Variants in FGF12 observed in about 807,000 individuals in gnomAD.
FGF12 encodes fibroblast growth factor 12.
In FGF12, 14 loss-of-function variants were observed where a neutral mutation model predicts 23.6. The ratio of observed to expected loss-of-function variants is 0.59; its 90% CI spans 0.39 to 0.93. The LOEUF (loss-of-function observed/expected upper bound fraction) is 0.93. Among genes scored for constraint, FGF12 ranks in the 40% least tolerant of loss-of-function variants. FGF12 has a pLI of 0.00. For missense variants in FGF12, 175 were observed against 217.8 expected (o/e 0.80, Z 1.24); for synonymous variants, 62 against 77.3 (o/e 0.80, Z 1.04).
intron 2 of FGF12, among the ~76,000 whole-genome samples, chr3:192,654,897 A>G (rs1006705482): frequency 1.1e-4 from 16 of 148,096 alleles, no homozygotes; most frequent in African/African-American, 4.1e-4. Flanking sequence ...GATCAGTGTG[A>G]AAAAAAAAAT....
intron 4 of FGF12, among the ~76,000 whole-genome samples, chr3:192,200,507 G>A (rs1301175513): frequency 6.6e-6 from 1 of 152,052 alleles, no homozygotes; most frequent in African/African-American, 2.4e-5. Flanking sequence ...CATTAAGAAA[G>A]AAACTTTCAC....
chr3:192,528,612 C>T (rs1725011660), intron 2 of FGF12, among the ~76,000 whole-genome samples: 1 of 152,216 alleles, frequency 6.6e-6, no homozygotes, highest in Non-Finnish European at 1.5e-5. Flanking sequence ...CCCACATTTC[C>T]CTTCCACACT....
chr3:192,209,133 T>C (rs1456603210), intron 4 of FGF12, among the ~76,000 whole-genome samples: 1 of 152,212 alleles, frequency 6.6e-6, no homozygotes, highest in East Asian at 1.9e-4. Flanking sequence ...AATGAATATA[T>C]ATTATGGGAC....
At chr3:192,368,666 GT>G (rs946346874) in intron 2 of FGF12, among the ~76,000 whole-genome samples, 34 of 149,668 alleles carry the variant, frequency 2.3e-4, no homozygotes, top group Middle Eastern at 6.8e-3. Context: ...TGTTAATAAA[GT>G]TTTTTTTTTC....
intron 2 of FGF12, among the ~76,000 whole-genome samples, chr3:192,414,604 G>T (rs1321726415): frequency 6.6e-6 from 1 of 152,100 alleles, no homozygotes; most frequent in Non-Finnish European, 1.5e-5. Context: ...AAGCTAAAGG[G>T]AAAATAATAA....
Position 192,176,925 on chromosome 3 carries a change from C to T in FGF12, c.229-6269G>A, listed in dbSNP as rs181249567. Reference sequence around the variant, plus strand: ...CCCCTTCTTATTTTCTATTCCACACCGTTATATTATACAACGCCCATGCTT... The same window carrying T: ...CCCCTTCTTATTTTCTATTCCACACTGTTATATTATACAACGCCCATGCTT... On this transcript the variant is annotated intron_variant, in intron 4 of 5. Transcript: ENST00000445105. Among the ~76,000 whole-genome samples, 188 of 152,218 alleles carry T rather than the reference C, an allele frequency of 1.2e-3. 2 individuals are homozygous for T. The highest frequency in any genetic ancestry group is 2.1e-3 in the Non-Finnish European group (140 of 68,004).
chr3:192,577,211 T>A lies in FGF12; in HGVS notation c.13+149970A>T, dbSNP rs572625689. 3.1e-4 allele frequency among the ~76,000 whole-genome samples: 47 copies of A among 152,220 alleles called. 1 individual carries two copies. Among genetic ancestry groups the A allele is most frequent in the African/African-American group, 1.0e-3 (43 of 41,556 alleles). ...CCAGAACTTAAAGTGTAATAAAAAA[T>A]AAATAAATAAATAATACTAATGGTA... On this transcript the variant is annotated intron_variant, in intron 2 of 5. Transcript: ENST00000445105.
chr3:192,258,956 C>T (rs1382969117), intron 4 of FGF12, among the ~76,000 whole-genome samples: 1 of 152,076 alleles, frequency 6.6e-6, no homozygotes, highest in Non-Finnish European at 1.5e-5. Context: ...ATATTTATCC[C>T]CCTTATCTGC....
chr3:192,366,661 T>C (rs1359276683), intron 2 of FGF12, among the ~76,000 whole-genome samples: 3 of 152,136 alleles, frequency 2.0e-5, no homozygotes, highest in Non-Finnish European at 4.4e-5. Flanking sequence ...AAAAGAGTAC[T>C]GGCAAAACAG....
intron 4 of FGF12, among the ~76,000 whole-genome samples, chr3:192,270,934 T>C (rs1713397919): frequency 6.6e-6 from 1 of 152,154 alleles, no homozygotes; most frequent in Non-Finnish European, 1.5e-5. Context: ...TCAAATTCCA[T>C]TTAAATTGAT....
At chr3:192,365,976 TAA>T (rs5855421) in intron 2 of FGF12, among the ~76,000 whole-genome samples, 87,154 of 130,702 alleles carry the variant, frequency 0.67, 28,523 homozygotes, top group East Asian at 0.91. Context: ...GCTTCAAAGG[TAA>T]AAAAAAAAAA....
At chr3:192,478,595 T>C (rs1723394189) in intron 2 of FGF12, among the ~76,000 whole-genome samples, 1 of 152,208 alleles carries the variant, frequency 6.6e-6, no homozygotes, top group Non-Finnish European at 1.5e-5. Context: ...ACTGTATTCA[T>C]TCTTCATGTA....
chr3:192,441,653 A>C (rs565271680), intron 2 of FGF12, among the ~76,000 whole-genome samples: 3 of 152,234 alleles, frequency 2.0e-5, no homozygotes, highest in Admixed American at 2.0e-4. Flanking sequence ...ACTTAGTTTC[A>C]CCCCTAAGAT....
chr3:192,609,624 AGTTACCGT>A, intron 2 of FGF12, among the ~76,000 whole-genome samples: 1 of 152,068 alleles, frequency 6.6e-6, no homozygotes, highest in Non-Finnish European at 1.5e-5. Context: ...GGAAAGACAC[AGTTACCGT>A]GTTAGGGGCA....
At chr3:192,709,342 C>T (rs1718590253) in intron 2 of FGF12, among the ~76,000 whole-genome samples, 1 of 152,172 alleles carries the variant, frequency 6.6e-6, no homozygotes, top group South Asian at 2.1e-4. Context: ...GTTTGGAGTC[C>T]TGTATCTGTA....
At chr3:192,148,186 T>A (rs1713832175) in intron 5 of FGF12, among the ~76,000 whole-genome samples, 1 of 152,226 alleles carries the variant, frequency 6.6e-6, no homozygotes, top group Non-Finnish European at 1.5e-5. Context: ...GATTATTCAC[T>A]GTAGCCAAAA....
At chr3:192,249,752 C>G (rs1711875348) in intron 4 of FGF12, among the ~76,000 whole-genome samples, 1 of 152,132 alleles carries the variant, frequency 6.6e-6, no homozygotes, top group Non-Finnish European at 1.5e-5. Flanking sequence ...TGCCTACTGT[C>G]AGACTACAAA....
At chr3:192,661,737 C>T (rs1038301231) in intron 2 of FGF12, among the ~76,000 whole-genome samples, 11 of 152,250 alleles carry the variant, frequency 7.2e-5, no homozygotes, top group Admixed American at 3.3e-4. Flanking sequence ...TCTGAGATTA[C>T]CATGTTCCAG....
chr3:192,189,886 C>T (rs1716684513), intron 4 of FGF12, among the ~76,000 whole-genome samples: 1 of 152,100 alleles, frequency 6.6e-6, no homozygotes, highest in South Asian at 2.1e-4. Flanking sequence ...CCAGTCCCTC[C>T]CTTTCCTCTT....
Sources: allele counts gnomAD v4.1 joint callset (sites outside exome capture counted in the v4.1 genomes callset), GRCh38; gene constraint gnomAD v4.1.1; transcripts MANE v1.5; gene names NCBI Gene and HGNC (gene_info 2026-07-23, HGNC 2026-07-21).